The following DPY19L2 variants were observed in gnomAD, a reference collection of about 807,000 sequenced individuals.
DPY19L2 encodes dpy-19 like 2, also known as probable C-mannosyltransferase DPY19L2.
Under a neutral mutation model 97.9 loss-of-function variants are expected in DPY19L2, and 34 were observed. The observed-to-expected ratio is 0.35, with a 90% confidence interval of 0.26 to 0.46. DPY19L2 has a LOEUF of 0.46. Among genes scored for constraint, DPY19L2 ranks in the 20% least tolerant of loss-of-function variants. The probability of loss-of-function intolerance (pLI) is 1.00; values close to 1 mark genes in which losing one functional copy is unlikely to be tolerated. For missense variants in DPY19L2, 623 were observed against 911.4 expected (o/e 0.68, Z 4.07); for synonymous variants, 230 against 307.9 (o/e 0.75, Z 2.65).
At chr12:63,637,855 T>C (rs1303727590) in intron 6 of DPY19L2, among the ~76,000 whole-genome samples, 4 of 152,154 alleles carry the variant, frequency 2.6e-5, no homozygotes, top group Non-Finnish European at 5.9e-5. Flanking sequence ...CTAACTCATT[T>C]TAGGAGGCCA....
At position 63,577,834 on chromosome 12, in the gene DPY19L2, A is replaced by G. The variant is rs986532850; in HGVS notation, c.1900+2828T>C. Among the ~76,000 whole-genome samples the G allele has an allele frequency of 2.0e-5, 3 of 152,120 alleles. 1 individual carries two copies. The highest frequency in any genetic ancestry group is 7.2e-5 in the African/African-American group (3 of 41,444). On this transcript the variant is annotated intron_variant, in intron 19 of 21. Transcript: ENST00000324472. ...TGTGGAGAAAAGGGAACTCTCATACACTTTTGGTGAAAATGTAAATTAGCA... is the reference window on the plus strand; with the variant it reads ...TGTGGAGAAAAGGGAACTCTCATACGCTTTTGGTGAAAATGTAAATTAGCA...
chr12:63,639,262 C>T (rs1329527613), intron 6 of DPY19L2, among the ~76,000 whole-genome samples: 1 of 151,896 alleles, frequency 6.6e-6, no homozygotes, highest in Non-Finnish European at 1.5e-5. Flanking sequence ...TAGAAGAAAA[C>T]CTAGGCCATT....
At chr12:63,641,269 C>T (rs185065461) in intron 6 of DPY19L2, among the ~76,000 whole-genome samples, 2,510 of 139,398 alleles carry the variant, frequency 0.018, 78 homozygotes, top group African/African-American at 0.067. Context: ...TCAAAGGAAT[C>T]CTTTTCCCTC....
At chr12:63,652,516 T>TG (rs1311495727) in intron 4 of DPY19L2, among the ~76,000 whole-genome samples, 1 of 152,116 alleles carries the variant, frequency 6.6e-6, no homozygotes, top group Non-Finnish European at 1.5e-5. Context: ...AGACATGGAA[T>TG]CAACCTAAAT....
At chr12:63,646,034 CTT>C (rs201368376) in intron 5 of DPY19L2, among the ~76,000 whole-genome samples, 4,934 of 152,190 alleles carry the variant, frequency 0.032, 113 homozygotes, top group Middle Eastern at 0.088. Flanking sequence ...TCAGTTCTCT[CTT>C]GTTTCAGGGT....
chr12:63,604,364 G>T (rs150180213), intron 12 of DPY19L2, among the ~76,000 whole-genome samples: 2,235 of 152,248 alleles, frequency 0.015, 25 homozygotes, highest in Non-Finnish European at 0.021. Context: ...TCACTCTGCA[G>T]GTACAGATTC....
intron 6 of DPY19L2, among the ~76,000 whole-genome samples, chr12:63,635,905 T>C (rs1156862559): frequency 6.6e-6 from 1 of 151,986 alleles, no homozygotes; most frequent in East Asian, 1.9e-4. Flanking sequence ...AGGCCAACAT[T>C]CAAATTCAGG....
chr12:63,629,716 C>T (rs12229894), intron 6 of DPY19L2, among the ~76,000 whole-genome samples: 34,501 of 151,802 alleles, frequency 0.23, 4,309 homozygotes, highest in East Asian at 0.43. Context: ...ATACAGAGAA[C>T]GCCACAAAGA....
chr12:63,574,052 T>C (rs1879373676), intron 19 of DPY19L2, among the ~76,000 whole-genome samples: 1 of 151,962 alleles, frequency 6.6e-6, no homozygotes, highest in Non-Finnish European at 1.5e-5. Flanking sequence ...TTATGGTATA[T>C]AAACTACTTA....
chr12:63,572,734 A>AGAGAGAGAGAGAGACTCCATAT (rs1491571426), intron 19 of DPY19L2, among the ~76,000 whole-genome samples: 9 of 150,456 alleles, frequency 6.0e-5, no homozygotes, highest in Non-Finnish European at 8.9e-5. Flanking sequence ...GCACAGAGAA[A>AGAGAGAGAGAGAGACTCCATAT]GAGAGAGAGA....
upstream of DPY19L2, chr12:63,668,769 C>A (rs1023639093): frequency 4.1e-6 from 1 of 241,244 alleles, no homozygotes; most frequent in Non-Finnish European, 8.1e-6. Flanking sequence ...TTGCGCGCAG[C>A]CCCATGTACA....
At chr12:63,653,483 G>A (rs1894549876) in intron 4 of DPY19L2, among the ~76,000 whole-genome samples, 1 of 152,058 alleles carries the variant, frequency 6.6e-6, no homozygotes, top group African/African-American at 2.4e-5. Context: ...AGGAGTCAGA[G>A]GTTGCAGTGA....
chr12:63,622,386 T>C (rs1050623748), intron 8 of DPY19L2, among the ~76,000 whole-genome samples: 42 of 152,268 alleles, frequency 2.8e-4, no homozygotes, highest in Middle Eastern at 3.4e-3. Flanking sequence ...AGCAAAGATA[T>C]AGAAATCTGA....
chr12:63,563,219 A>G (rs1876982791), intron 21 of DPY19L2, among the ~76,000 whole-genome samples: 1 of 152,112 alleles, frequency 6.6e-6, no homozygotes, highest in African/African-American at 2.4e-5. Flanking sequence ...ACTGTGGTTT[A>G]TCTTTTAATT....
Position 63,608,822 on chromosome 12 carries a change from A to C in DPY19L2, c.1219-147T>G, listed in dbSNP as rs530913786. On this transcript the variant is annotated intron_variant, in intron 11 of 21. Coordinates refer to ENST00000324472, the MANE Select transcript of DPY19L2 (RefSeq NM_173812.5). Reference sequence around the variant, plus strand: ...TTCCTCCTTAACTGTTGATTTTTCAAATTTTGGACAAATTTTGGCAAATTT... The same window carrying C: ...TTCCTCCTTAACTGTTGATTTTTCACATTTTGGACAAATTTTGGCAAATTT... The C allele has an allele frequency of 9.3e-4, 735 of 793,672 alleles. 7 individuals are homozygous for C. The African/African-American group carries it at 0.012, about 13-fold the overall frequency. The allele number at this position is 793,672 out of a possible 1,614,324, so 49.2% of individuals were successfully genotyped here.
At chr12:63,632,306 C>G (rs1890837198) in intron 6 of DPY19L2, among the ~76,000 whole-genome samples, 1 of 152,130 alleles carries the variant, frequency 6.6e-6, no homozygotes, top group South Asian at 2.1e-4. Flanking sequence ...GATTGTACAT[C>G]TAGAAAACCC....
intron 11 of DPY19L2, among the ~76,000 whole-genome samples, chr12:63,616,242 C>T (rs1184399646): frequency 2.0e-5 from 3 of 152,040 alleles, no homozygotes; most frequent in Non-Finnish European, 4.4e-5. Flanking sequence ...TTGCTTTATG[C>T]AGTTTTATCT....
intron 13 of DPY19L2, among the ~76,000 whole-genome samples, chr12:63,599,983 T>C (rs1348000245): frequency 6.6e-6 from 1 of 152,204 alleles, no homozygotes; most frequent in Non-Finnish European, 1.5e-5. Flanking sequence ...TGTTAACATC[T>C]GCAATAAATG....
At chr12:63,633,305 A>G (rs1891048779) in intron 6 of DPY19L2, among the ~76,000 whole-genome samples, 1 of 152,202 alleles carries the variant, frequency 6.6e-6, no homozygotes, top group African/African-American at 2.4e-5. Flanking sequence ...AATTTTTGCA[A>G]TCTACTCATC....
Sources: allele counts gnomAD v4.1 joint callset (sites outside exome capture counted in the v4.1 genomes callset), GRCh38; gene constraint gnomAD v4.1.1; transcripts MANE v1.5; gene names NCBI Gene and HGNC (gene_info 2026-07-23, HGNC 2026-07-21).